Variants in DAB1 observed in about 807,000 individuals in gnomAD.
DAB1 encodes the protein DAB adaptor protein 1.
DAB1 carries 15 observed loss-of-function variants against 64.6 expected under a neutral mutation model. The observed-to-expected ratio is 0.23, with a 90% CI of 0.16 to 0.36. The LOEUF (loss-of-function observed/expected upper bound fraction) is 0.36. Among genes scored for constraint, DAB1 ranks in the 10% least tolerant of loss-of-function variants. The pLI, the probability that DAB1 is intolerant of heterozygous loss-of-function variation, is 1.00. For synonymous variants in DAB1, 235 were observed against 251.9 expected, an observed-to-expected ratio of 0.93 and a Z score of 0.64; for missense variants, 596 against 706.7, an observed-to-expected ratio of 0.84 and a Z score of 1.78.
intron 5 of DAB1, among the ~76,000 whole-genome samples, chr1:58,147,925 T>C (rs1435393512): frequency 7.0e-6 from 1 of 142,878 alleles, no homozygotes; most frequent in Admixed American, 7.2e-5. Context: ...GGGATTTCAA[T>C]CCATATCTGT....
intron 5 of DAB1, among the ~76,000 whole-genome samples, chr1:57,980,225 G>A (rs1349620476): frequency 2.0e-5 from 3 of 151,958 alleles, no homozygotes; most frequent in Non-Finnish European, 2.9e-5. Flanking sequence ...CACACTCTCA[G>A]TAATTACTGT....
At chr1:57,406,281 T>G (rs1428769849) in intron 1 of DAB1, among the ~76,000 whole-genome samples, 1 of 152,226 alleles carries the variant, frequency 6.6e-6, no homozygotes, top group East Asian at 1.9e-4. Flanking sequence ...CTCAAAATAC[T>G]TAGATACTAA....
chr1:58,046,034 G>A (rs1057153114), intron 5 of DAB1, among the ~76,000 whole-genome samples: 1 of 151,060 alleles, frequency 6.6e-6, no homozygotes, highest in Non-Finnish European at 1.5e-5. Context: ...TTTATAGAAA[G>A]AGGCCTGTTA....
intron 5 of DAB1, among the ~76,000 whole-genome samples, chr1:58,126,149 G>A (rs1653064023): frequency 1.3e-5 from 2 of 152,160 alleles, no homozygotes; most frequent in African/African-American, 4.8e-5. Context: ...CCCACAGAAT[G>A]TGCTATCCAA....
At chr1:58,350,274 A>G (rs1422011670) in intron 3 of DAB1, among the ~76,000 whole-genome samples, 1 of 152,120 alleles carries the variant, frequency 6.6e-6, no homozygotes, top group African/African-American at 2.4e-5. Flanking sequence ...ATGTCTGCTC[A>G]TATCCTCTGC....
intron 2 of DAB1, among the ~76,000 whole-genome samples, chr1:57,199,580 G>C (rs1013901792): frequency 1.3e-5 from 2 of 152,356 alleles, no homozygotes; most frequent in South Asian, 4.1e-4. Flanking sequence ...AAATCTTCTG[G>C]TACAAGAACA....
At chr1:58,170,123 C>T (rs1656081063) in intron 4 of DAB1, among the ~76,000 whole-genome samples, 2 of 152,234 alleles carry the variant, frequency 1.3e-5, no homozygotes, top group East Asian at 3.9e-4. Context: ...AGAATCACAG[C>T]CAAAGAAAGG....
intron 2 of DAB1, among the ~76,000 whole-genome samples, chr1:57,234,233 T>A (rs928665744): frequency 1.3e-5 from 2 of 152,148 alleles, no homozygotes; most frequent in Non-Finnish European, 2.9e-5. Context: ...AAAAATATAG[T>A]TACCCAAGAA....
chr1:58,488,104 A>C (rs1390281612), intron 3 of DAB1, among the ~76,000 whole-genome samples: 1 of 152,078 alleles, frequency 6.6e-6, no homozygotes, highest in Non-Finnish European at 1.5e-5. Flanking sequence ...TAAACTGATA[A>C]AGTTTTCTTT....
At position 57,361,476 on chromosome 1, in the gene DAB1, C is replaced by A. The variant is rs201413194; in HGVS notation, c.-137+62454G>T. On this transcript the variant is annotated intron_variant, in intron 1 of 14. Coordinates refer to ENST00000371236, the MANE Select transcript of DAB1 (RefSeq NM_001365792.1). Reference sequence around the variant, plus strand: ...GCATTATGGTTCCCAATATCTGTGTCCTTCCAATAAAAGGATTGTTCATCT... The same window carrying A: ...GCATTATGGTTCCCAATATCTGTGTACTTCCAATAAAAGGATTGTTCATCT... 1.4e-4 allele frequency among the ~76,000 whole-genome samples: 21 copies of A among 152,230 alleles called. No individual in the cohort carries two copies. In the East Asian group the frequency reaches 3.9e-3, roughly 28 times the overall value.
chr1:58,369,682 T>G (rs995455053), intron 3 of DAB1, among the ~76,000 whole-genome samples: 1 of 152,262 alleles, frequency 6.6e-6, no homozygotes, highest in Non-Finnish European at 1.5e-5. Flanking sequence ...ATTTCTATTT[T>G]ACAGACTAAG....
intron 4 of DAB1, among the ~76,000 whole-genome samples, chr1:58,177,301 T>C (rs1656538249): frequency 6.6e-6 from 1 of 152,164 alleles, no homozygotes; most frequent in South Asian, 2.1e-4. Flanking sequence ...GTGTGTCCAG[T>C]GCCAGGCACA....
chr1:58,403,241 A>C (rs1020019283), intron 3 of DAB1, among the ~76,000 whole-genome samples: 2 of 152,074 alleles, frequency 1.3e-5, no homozygotes, highest in South Asian at 2.1e-4. Context: ...CAGGATCCCT[A>C]AGGAAATGCC....
chr1:58,026,546 C>T (rs1172300612), intron 5 of DAB1, among the ~76,000 whole-genome samples: 1 of 152,104 alleles, frequency 6.6e-6, no homozygotes, highest in African/African-American at 2.4e-5. Flanking sequence ...TTGGTGCTCC[C>T]TTATTATTTT....
chr1:57,161,227 A>G (rs11206978), intron 2 of DAB1, among the ~76,000 whole-genome samples: 31,059 of 152,158 alleles, frequency 0.2, 8,184 homozygotes, highest in African/African-American at 0.61. Context: ...CAAGAATGAC[A>G]GGCGTGGTGC....
intron 5 of DAB1, among the ~76,000 whole-genome samples, chr1:57,981,230 G>GA (rs1646059636): frequency 6.6e-6 from 1 of 151,974 alleles, no homozygotes; most frequent in African/African-American, 2.4e-5. Context: ...CATGAGGATT[G>GA]AAAGAGATTT....
intron 3 of DAB1, among the ~76,000 whole-genome samples, chr1:58,490,179 A>T (rs899492474): frequency 2.6e-5 from 4 of 152,192 alleles, no homozygotes; most frequent in East Asian, 1.9e-4. Flanking sequence ...ATGGCAAAGA[A>T]GTTAAAAATC....
chr1:57,805,334 A>T (rs1026601129), intron 6 of DAB1, among the ~76,000 whole-genome samples: 1 of 152,202 alleles, frequency 6.6e-6, no homozygotes, highest in Non-Finnish European at 1.5e-5. Context: ...AATTCATAGG[A>T]TATTCACCAA....
At chr1:58,396,323 T>C (rs1181426159) in intron 3 of DAB1, among the ~76,000 whole-genome samples, 1 of 151,978 alleles carries the variant, frequency 6.6e-6, no homozygotes, top group African/African-American at 2.4e-5. Context: ...TCCTATCGAT[T>C]ACCCACCAAA....
Sources: gnomAD v4.1 joint callset for allele counts (sites outside exome capture counted in the v4.1 genomes callset) on GRCh38, gnomAD v4.1.1 for gene constraint, MANE v1.5 for transcripts, NCBI Gene and HGNC (gene_info 2026-07-23, HGNC 2026-07-21) for gene names.